TUSC3: variants seen among roughly 807,000 people sequenced by gnomAD.
TUSC3 encodes dolichyl-diphosphooligosaccharide--protein glycosyltransferase subunit TUSC3.
TUSC3 carries 45 observed loss-of-function variants against 44.8 expected under a neutral mutation model. The observed-to-expected ratio is 1.00, with a 90% CI of 0.79 to 1.29. TUSC3 has a LOEUF of 1.29. Among genes scored for constraint, TUSC3 ranks in the 50% most tolerant of loss-of-function variants. TUSC3 has a pLI of 0.00. For missense variants in TUSC3, 519 were observed against 437.9 expected, an observed-to-expected ratio of 1.19 and a Z score of -1.65; for synonymous variants, 212 against 152.9, an observed-to-expected ratio of 1.39 and a Z score of -2.85.
At chr8:15,619,071 A>G (rs1805125717) in intron 1 of TUSC3, among the ~76,000 whole-genome samples, 1 of 152,196 alleles carries the variant, frequency 6.6e-6, no homozygotes. Context: ...GAAATTATTA[A>G]AAGTAGTTTG....
chr8:15,792,117 CT>C, the TUSC3 span, among the ~76,000 whole-genome samples: 2 of 55,914 alleles, frequency 3.6e-5, no homozygotes, highest in Non-Finnish European at 3.8e-5. Flanking sequence ...TAGCCAACCT[CT>C]AACACACACA....
chr8:15,664,772 A>G (rs1807582835), intron 5 of TUSC3, among the ~76,000 whole-genome samples: 1 of 149,516 alleles, frequency 6.7e-6, no homozygotes, highest in Non-Finnish European at 1.5e-5. Context: ...AAATCATTTA[A>G]AAAATGAGAT....
intron 6 of TUSC3, among the ~76,000 whole-genome samples, chr8:15,716,351 G>A (rs762360915): frequency 4.0e-5 from 6 of 151,892 alleles, no homozygotes; most frequent in South Asian, 4.2e-4. Context: ...GAGGGATTTC[G>A]TATGAATTAA....
At chr8:15,728,490 A>C (rs1177600167) in intron 6 of TUSC3, among the ~76,000 whole-genome samples, 1 of 151,892 alleles carries the variant, frequency 6.6e-6, no homozygotes, top group Non-Finnish European at 1.5e-5. Context: ...AGAAGGAGGG[A>C]ATAAAGGCAA....
At chr8:15,842,123 T>A in the TUSC3 span, among the ~76,000 whole-genome samples, 2 of 152,176 alleles carry the variant, frequency 1.3e-5, no homozygotes, top group African/African-American at 4.8e-5. Flanking sequence ...TTTGAGCACT[T>A]ACTGAACACA....
At chr8:15,741,531 T>TAA (rs1052480034) in intron 7 of TUSC3, among the ~76,000 whole-genome samples, 3 of 152,008 alleles carry the variant, frequency 2.0e-5, no homozygotes, top group Non-Finnish European at 4.4e-5. Context: ...ACTAAAATAC[T>TAA]AAAGTTGTCC....
In TUSC3 at chr8:15,569,980, T is replaced by C. The variant is rs566313659; in HGVS notation, c.138+29412T>C. Among the ~76,000 whole-genome samples, 5 of 152,260 alleles carry C rather than the reference T, an allele frequency of 3.3e-5. No homozygotes were observed. In the South Asian group the frequency reaches 1.0e-3, roughly 32 times the overall value. ...CGCTTAAGAGGCAATTCATTTTCTT[T>C]AAAAATAAATAGGTTTATTTGTATC... On this transcript the variant is annotated intron_variant, in intron 1 of 10. Coordinates refer to ENST00000503731, the MANE Select transcript of TUSC3 (RefSeq NM_006765.4).
At chr8:15,614,423 A>G (rs957891956) in intron 1 of TUSC3, among the ~76,000 whole-genome samples, 5 of 152,186 alleles carry the variant, frequency 3.3e-5, no homozygotes, top group African/African-American at 1.2e-4. Flanking sequence ...CTTCAGTAAG[A>G]TATTTGTGAC....
intron 2 of TUSC3, among the ~76,000 whole-genome samples, chr8:15,496,844 G>A (rs559266761): frequency 6.6e-6 from 1 of 151,998 alleles, no homozygotes; most frequent in African/African-American, 2.4e-5. Context: ...CCTTTCCATT[G>A]GCATACCATA....
intron 1 of TUSC3, among the ~76,000 whole-genome samples, chr8:15,571,837 C>T (rs1045283265): frequency 1.2e-4 from 19 of 152,120 alleles, no homozygotes; most frequent in Non-Finnish European, 2.8e-4. Context: ...GGTGCTTTGG[C>T]TGTGAGCTGT....
intron 1 of TUSC3, among the ~76,000 whole-genome samples, chr8:15,594,922 C>G (rs772134173): frequency 2.0e-5 from 3 of 152,110 alleles, no homozygotes; most frequent in Non-Finnish European, 4.4e-5. Flanking sequence ...GGAGTTTTGA[C>G]TGGATGCGCG....
the TUSC3 span, among the ~76,000 whole-genome samples, chr8:15,808,407 C>G: frequency 6.6e-6 from 1 of 151,990 alleles, no homozygotes; most frequent in Non-Finnish European, 1.5e-5. Context: ...CTTAATATTC[C>G]TTTGCATTTT....
At chr8:15,509,926 T>C (rs373202151) in intron 2 of TUSC3, among the ~76,000 whole-genome samples, 88 of 152,302 alleles carry the variant, frequency 5.8e-4, no homozygotes, top group African/African-American at 2.0e-3. Context: ...CCAGAAAGCT[T>C]TGGTTGGCCT....
intron 3 of TUSC3, among the ~76,000 whole-genome samples, chr8:15,653,510 G>A: frequency 6.6e-6 from 1 of 152,100 alleles, no homozygotes; most frequent in East Asian, 1.9e-4. Context: ...TTATTCTAAA[G>A]TTTGGCGTAT....
At chr8:15,836,948 CATTT>C in the TUSC3 span, among the ~76,000 whole-genome samples, 1 of 152,142 alleles carries the variant, frequency 6.6e-6, no homozygotes, top group Non-Finnish European at 1.5e-5. Flanking sequence ...GCAATTCCCA[CATTT>C]ATTGAAATCT....
intron 2 of TUSC3, among the ~76,000 whole-genome samples, chr8:15,510,938 C>T (rs1585070960): frequency 6.6e-6 from 1 of 152,202 alleles, no homozygotes; most frequent in Middle Eastern, 3.4e-3. Flanking sequence ...TCAGTGAATG[C>T]CATTTACCTT....
chr8:15,842,267 G>A, the TUSC3 span, among the ~76,000 whole-genome samples: 1 of 152,142 alleles, frequency 6.6e-6, no homozygotes, highest in Non-Finnish European at 1.5e-5. Flanking sequence ...GACTGATTAT[G>A]AGCAGTGTGA....
chr8:15,518,460 A>G (rs1017449243), intron 2 of TUSC3, among the ~76,000 whole-genome samples: 2 of 152,158 alleles, frequency 1.3e-5, no homozygotes, highest in African/African-American at 4.8e-5. Context: ...TCTTCTCTGT[A>G]TTAAAGGAAC....
At chr8:15,550,947 A>G (rs1007566364) in intron 1 of TUSC3, among the ~76,000 whole-genome samples, 1 of 151,778 alleles carries the variant, frequency 6.6e-6, no homozygotes, top group Non-Finnish European at 1.5e-5. Context: ...CTGGGATTAC[A>G]GGGGTGAAAT....
Sources: allele counts gnomAD v4.1 joint callset (sites outside exome capture counted in the v4.1 genomes callset), GRCh38; gene constraint gnomAD v4.1.1; transcripts MANE v1.5; gene names NCBI Gene and HGNC (gene_info 2026-07-23, HGNC 2026-07-21).